Variants in KCNQ5 observed in about 807,000 individuals in gnomAD.
KCNQ5 encodes the protein potassium voltage-gated channel subfamily KQT member 5.
Under a neutral mutation model 98.2 loss-of-function variants are expected in KCNQ5, and 30 were observed. That is an observed-to-expected ratio of 0.31 (90% CI 0.23 to 0.41). The LOEUF is 0.41. Among genes scored for constraint, KCNQ5 ranks in the 10% least tolerant of loss-of-function variants. The probability of loss-of-function intolerance (pLI) is 1.00; values close to 1 mark genes in which losing one functional copy is unlikely to be tolerated. For missense variants in KCNQ5, 835 were observed against 1,182.5 expected, an observed-to-expected ratio of 0.71 and a Z score of 4.31; for synonymous variants, 458 against 449.4, an observed-to-expected ratio of 1.02 and a Z score of -0.24.
chr6:72,665,017 A>G (rs1190110509), intron 1 of KCNQ5, among the ~76,000 whole-genome samples: 1 of 152,174 alleles, frequency 6.6e-6, no homozygotes, highest in Non-Finnish European at 1.5e-5. Flanking sequence ...ATTTTTGCGT[A>G]AAAGCATTGT....
At chr6:73,044,723 G>T (rs145294319) in intron 3 of KCNQ5, among the ~76,000 whole-genome samples, 2 of 152,108 alleles carry the variant, frequency 1.3e-5, no homozygotes, top group Admixed American at 6.5e-5. Context: ...CACTGTAGTC[G>T]CCTTGTTCAA....
At chr6:72,707,171 C>G (rs1769133803) in intron 1 of KCNQ5, among the ~76,000 whole-genome samples, 1 of 152,158 alleles carries the variant, frequency 6.6e-6, no homozygotes, top group African/African-American at 2.4e-5. Flanking sequence ...AAGCCACCTG[C>G]TTTTTAAAAG....
chr6:72,675,886 T>C (rs1354093502), intron 1 of KCNQ5, among the ~76,000 whole-genome samples: 1 of 152,194 alleles, frequency 6.6e-6, no homozygotes, highest in Non-Finnish European at 1.5e-5. Flanking sequence ...AGGGAGTAAA[T>C]CACTGAACAT....
At chr6:72,746,124 C>T (rs956480624) in intron 1 of KCNQ5, among the ~76,000 whole-genome samples, 12 of 138,742 alleles carry the variant, frequency 8.6e-5, no homozygotes, top group African/African-American at 2.8e-4. Context: ...TCACAAATAC[C>T]AGAGTTTAGG....
intron 1 of KCNQ5, among the ~76,000 whole-genome samples, chr6:72,954,332 G>T (rs975690424): frequency 1.3e-5 from 2 of 152,092 alleles, no homozygotes; most frequent in Non-Finnish European, 2.9e-5. Flanking sequence ...GGAGCCAGAG[G>T]CTTGGTAGGG....
intron 3 of KCNQ5, among the ~76,000 whole-genome samples, chr6:73,048,977 C>T (rs1386188150): frequency 2.6e-5 from 4 of 151,902 alleles, no homozygotes; most frequent in African/African-American, 9.7e-5. Flanking sequence ...TCCCTTTTTG[C>T]CTTGAGATGT....
chr6:72,662,396 C>G (rs1766575248), intron 1 of KCNQ5, among the ~76,000 whole-genome samples: 1 of 151,930 alleles, frequency 6.6e-6, no homozygotes. Flanking sequence ...TCTCTCTAGC[C>G]AATCAGAAAT....
At chr6:73,062,147 A>G (rs1772808898) in intron 3 of KCNQ5, among the ~76,000 whole-genome samples, 1 of 152,178 alleles carries the variant, frequency 6.6e-6, no homozygotes, top group South Asian at 2.1e-4. Context: ...ATGTGGTTTA[A>G]TTAGAAGGGC....
In KCNQ5 at chr6:73,149,806, A is replaced by AAG. The variant is rs202152420; in HGVS notation, c.1468+16184_1468+16185dup. On this transcript the variant is annotated intron_variant, in intron 10 of 13. Coordinates refer to ENST00000370398, the MANE Select transcript of KCNQ5 (RefSeq NM_019842.4). The stretch of plus-strand genomic sequence containing the variant: ...TGGGAGACTCCGAAAAAAAAAAAAA[A>AAG]AGAGAGAGAGAGAGAGAGAGGGAGG... 6.4e-4 allele frequency among the ~76,000 whole-genome samples: 92 copies of AAG among 144,216 alleles called. 1 individual carries two copies. The highest frequency in any genetic ancestry group is 4.2e-3 in the East Asian group (21 of 4,982). 94.6% of individuals were successfully genotyped at this position (144,216 alleles called of 152,430 possible). A position where few individuals can be genotyped will look rare whatever the true frequency, so the allele number is the denominator to read the frequency against.
At chr6:73,095,603 A>G (rs183167824) in intron 5 of KCNQ5, among the ~76,000 whole-genome samples, 70 of 152,220 alleles carry the variant, frequency 4.6e-4, no homozygotes, top group African/African-American at 1.5e-3. Context: ...ATTCTTTTGT[A>G]CCACAGGGTG....
chr6:73,129,202 A>G (rs1776120088), intron 9 of KCNQ5, among the ~76,000 whole-genome samples: 1 of 152,206 alleles, frequency 6.6e-6, no homozygotes, highest in Non-Finnish European at 1.5e-5. Context: ...ACATTTATTG[A>G]TAGAGGAAAC....
intron 1 of KCNQ5, among the ~76,000 whole-genome samples, chr6:72,964,942 TAA>T (rs34416432): frequency 1.3e-5 from 2 of 151,758 alleles, no homozygotes; most frequent in African/African-American, 2.4e-5. Flanking sequence ...GTGCTTTTTT[TAA>T]AAAAAAATTC....
intron 1 of KCNQ5, among the ~76,000 whole-genome samples, chr6:72,846,838 CA>C (rs949289325): frequency 6.6e-5 from 10 of 152,170 alleles, no homozygotes; most frequent in African/African-American, 2.4e-4. Context: ...TAATCAATTC[CA>C]AAAATGTTTT....
intron 1 of KCNQ5, among the ~76,000 whole-genome samples, chr6:72,801,590 T>G (rs1774660129): frequency 7.9e-6 from 1 of 126,180 alleles, no homozygotes; most frequent in Admixed American, 8.2e-5. Flanking sequence ...AATTTGCCAG[T>G]CTGTGTCTTT....
chr6:73,088,378 A>G (rs1178803094), intron 5 of KCNQ5, among the ~76,000 whole-genome samples: 2 of 150,872 alleles, frequency 1.3e-5, no homozygotes, highest in African/African-American at 4.9e-5. Context: ...TCTTTGTGAA[A>G]CTCTCCATTC....
intron 5 of KCNQ5, among the ~76,000 whole-genome samples, chr6:73,097,137 G>A (rs1368862916): frequency 3.2e-5 from 1 of 31,640 alleles, no homozygotes; most frequent in African/African-American, 5.1e-5. Flanking sequence ...CTGTGCAATA[G>A]ATCTCATATA....
rs541433586 is a variant in KCNQ5 at position 72,888,277 on chromosome 6, G to C, written c.399-115631G>C. The stretch of plus-strand genomic sequence containing the variant: ...ACCTGTATTGGGACTCAAAGATGCG[G>C]AAGTTGGCAAAATAAATAGGGTAGA... On this transcript the variant is annotated intron_variant, in intron 1 of 13. Coordinates refer to ENST00000370398, the MANE Select transcript of KCNQ5 (RefSeq NM_019842.4). Among the ~76,000 whole-genome samples, 3 of 152,276 alleles carry C rather than the reference G, an allele frequency of 2.0e-5. No individual in the cohort carries two copies. The East Asian group carries it at 5.8e-4, about 29-fold the overall frequency.
chr6:73,077,729 C>G, intron 4 of KCNQ5, 33 bp from the exon 5 acceptor site: 1 of 1,575,282 alleles, frequency 6.3e-7, no homozygotes, highest in Non-Finnish European at 8.6e-7. Context: ...AGATTTCCCA[C>G]CTCTAAAAAT....
At chr6:72,952,229 T>G (rs1372528137) in intron 1 of KCNQ5, among the ~76,000 whole-genome samples, 1 of 152,214 alleles carries the variant, frequency 6.6e-6, no homozygotes, top group African/African-American at 2.4e-5. Flanking sequence ...GAAAACACAC[T>G]TGTGCATGTA....
Sources: gnomAD v4.1 joint callset for allele counts (sites outside exome capture counted in the v4.1 genomes callset) on GRCh38, gnomAD v4.1.1 for gene constraint, MANE v1.5 for transcripts, NCBI Gene and HGNC (gene_info 2026-07-23, HGNC 2026-07-21) for gene names.